ARID1A: variants seen among roughly 807,000 people sequenced by gnomAD.
ARID1A encodes the protein AT-rich interaction domain 1A.
A neutral mutation model predicts 212.6 loss-of-function variants in ARID1A; 20 were observed. That is an observed-to-expected ratio of 0.09 (90% confidence interval 0.07 to 0.14). The LOEUF is 0.14. Ranked by LOEUF, ARID1A falls within the 10% of genes least tolerant of loss-of-function variation. ARID1A has a pLI of 1.00. For missense variants in ARID1A, 2,587 were observed against 3,059.0 expected, an observed-to-expected ratio of 0.85 and a Z score of 3.64; for synonymous variants, 1,376 against 1,222.1, an observed-to-expected ratio of 1.13 and a Z score of -2.63.
At position 26,696,307 on chromosome 1, in the gene ARID1A, G is replaced by C; in HGVS notation, c.-97G>C. ...CGCGAGGCCCGCCCGGGCGGGTGGG[G>C]AGGGCAGCCCGGGGGACTGGGCCCC... On this transcript the variant is annotated 5_prime_UTR_variant, in exon 1 of 20. Coordinates refer to ENST00000324856, the MANE Select transcript of ARID1A (RefSeq NM_006015.6). The C allele has an allele frequency of 8.4e-7, 1 of 1,189,284 alleles. No homozygotes were observed. Among genetic ancestry groups the C allele is most frequent in the Non-Finnish European group, 1.0e-6 (1 of 959,744 alleles). 73.7% of individuals were successfully genotyped at this position (1,189,284 alleles called of 1,614,324 possible). A position where few individuals can be genotyped will look rare whatever the true frequency, so the allele number is the denominator to read the frequency against.
rs2124147009 is a variant in ARID1A, at chr1:26,780,127, C to T, written c.6229C>T (p.Pro2077Ser). 6.2e-7 allele frequency: 1 copy of T among 1,614,144 alleles called. No homozygotes were observed. Among genetic ancestry groups the T allele is most frequent in the Non-Finnish European group, 8.5e-7 (1 of 1,180,022 alleles). ...GGGGCAGTTGGACCTATCTCCATAC[C>T]CCGAGAGCATTTGCCTGCCTGTCCT... ...ISGQLDLSPY[P>S]ESICLPVLDG... Residue 2077 changes from proline (P) to serine (S), a missense_variant, in exon 20 of 20, where the codon CCC becomes TCC. Physicochemically the swap from Pro to Ser is moderately conservative, Grantham distance 74 (BLOSUM62 -1). Coordinates refer to ENST00000324856, the MANE Select transcript of ARID1A (RefSeq NM_006015.6). This position sits in a 1 kb window ranked among gnomAD's most constrained non-coding sequence, Gnocchi z 7.2.
intron 7 of ARID1A, 29 bp downstream of exon 7, chr1:26,762,348 T>TA (rs2081000468): frequency 1.6e-5 from 26 of 1,600,444 alleles, no homozygotes; most frequent in Non-Finnish European, 2.2e-5. Flanking sequence ...TAGGAGTAGA[T>TA]ACGGGTGAGA....
chr1:26,750,976 C>T lies in ARID1A; in HGVS notation c.1921-9880C>T, dbSNP rs1472076891. ...AAGAGTAATTAGGAAAGAGGGGGGC[C>T]GGGCATGGTGGCTCACACCTGTAAT... On this transcript the variant is annotated intron_variant, in intron 4 of 19. Coordinates refer to ENST00000324856, the MANE Select transcript of ARID1A (RefSeq NM_006015.6). 2.6e-5 allele frequency among the ~76,000 whole-genome samples: 4 copies of T among 151,892 alleles called. No individual in the cohort carries two copies. In the East Asian group the frequency reaches 5.8e-4, roughly 22 times the overall value.
At chr1:26,736,151 C>T (rs375015068) in intron 4 of ARID1A, among the ~76,000 whole-genome samples, 5 of 146,214 alleles carry the variant, frequency 3.4e-5, no homozygotes, top group South Asian at 2.2e-4. Context: ...GGTGAAACCC[C>T]GTCTCTACTA....
At chr1:26,717,555 C>T (rs560040428) in intron 1 of ARID1A, among the ~76,000 whole-genome samples, 1 of 152,236 alleles carries the variant, frequency 6.6e-6, no homozygotes, top group South Asian at 2.1e-4. Context: ...GTGTATGGGA[C>T]AGACATTAAT....
At chr1:26,740,511 C>T (rs189556417) in intron 4 of ARID1A, among the ~76,000 whole-genome samples, 131 of 152,092 alleles carry the variant, frequency 8.6e-4, no homozygotes, top group African/African-American at 3.1e-3. Flanking sequence ...AGAGGCCATG[C>T]AGGGATGGGG....
chr1:26,767,705 C>T, intron 10 of ARID1A, 85 bp from the exon 11 acceptor site: 1 of 1,329,416 alleles, frequency 7.5e-7, no homozygotes, highest in South Asian at 1.4e-5. Flanking sequence ...AGCTTTAACA[C>T]TGCTCCAGTC....
In ARID1A at chr1:26,696,778, T is replaced by TGGC; in HGVS notation, c.379_381dup (p.Gly127dup). Reference sequence around the variant, plus strand: ...TCACGGAGCCGCCCGGCGGCGGCGGTGGCGGCAGCAGCGATGGGGTGGGGG... The same window carrying TGGC: ...TCACGGAGCCGCCCGGCGGCGGCGGTGGCGGCGGCAGCAGCGATGGGGTGGGGG... On this transcript the variant is annotated inframe_insertion, in exon 1 of 20. Transcript: ENST00000324856. 3 of 1,331,554 alleles carry TGGC rather than the reference T, an allele frequency of 2.3e-6. No homozygotes were observed. The highest frequency in any genetic ancestry group is 2.6e-4 in the Middle Eastern group (1 of 3,876). 82.5% of individuals were successfully genotyped at this position (1,331,554 alleles called of 1,614,324 possible). A position where few individuals can be genotyped will look rare whatever the true frequency, so the allele number is the denominator to read the frequency against.
At chr1:26,741,772 T>A (rs2080790535) in intron 4 of ARID1A, among the ~76,000 whole-genome samples, 1 of 152,224 alleles carries the variant, frequency 6.6e-6, no homozygotes, top group African/African-American at 2.4e-5. Context: ...AATTATCCCT[T>A]GAGTTTCTGA....
chr1:26,709,048 C>T (rs2080423464), intron 1 of ARID1A, among the ~76,000 whole-genome samples: 1 of 152,038 alleles, frequency 6.6e-6, no homozygotes, highest in East Asian at 1.9e-4. Context: ...AGTTGAGTGC[C>T]ACATACAAAG....
rs905022100 is a variant in ARID1A, at chr1:26,697,122, G to A, written c.719G>A (p.Gly240Asp). The change falls in exon 1 of 20, where the codon GGC becomes GAC. Residue 240 changes from glycine (G) to aspartate (D), a missense_variant. By Grantham distance (94) the Gly-to-Asp change is moderately conservative. Transcript: ENST00000324856. ...AGCTCCCCGAGAGGTGGCACTCCGG[G>A]CTCCGGCGCGGCGGCGGCTGCCGGC... ...ALSSPRGGTPGSGAAAAAGSK... is the reference protein window; with the variant it reads ...ALSSPRGGTPDSGAAAAAGSK... 1.4e-6 allele frequency: 2 copies of A among 1,443,502 alleles called. No individual in the cohort carries two copies. The highest frequency in any genetic ancestry group is 9.1e-7 in the Non-Finnish European group (1 of 1,103,194). 89.4% of individuals were successfully genotyped at this position (1,443,502 alleles called of 1,614,324 possible).
intron 1 of ARID1A, among the ~76,000 whole-genome samples, chr1:26,717,033 C>T (rs746039376): frequency 5.3e-5 from 8 of 152,096 alleles, no homozygotes; most frequent in Admixed American, 2.6e-4. Context: ...CCAAAAAAGG[C>T]GCTTTCATAC....
Position 26,771,086 on chromosome 1 carries a change from A to T in ARID1A, c.3199-33A>T, listed in dbSNP as rs1215962331. 2 of 1,606,688 alleles carry T rather than the reference A, an allele frequency of 1.2e-6. No homozygotes were observed. Among genetic ancestry groups the T allele is most frequent in the Non-Finnish European group, 1.7e-6 (2 of 1,173,310 alleles). On this transcript the variant is annotated intron_variant, in intron 11 of 19. Transcript: ENST00000324856. This position sits in a 1 kb window ranked among gnomAD's most constrained non-coding sequence, Gnocchi z 5.4. ...TATGGGCAGGAAAACCAGGCGGGAG[A>T]TATACCTCGACTCCTTTGGTTTGGT...
At position 26,696,718 on chromosome 1, in the gene ARID1A, G is replaced by C. The variant is rs1198019142; in HGVS notation, c.315G>C (p.Gly105=). The change falls in exon 1 of 20, where the codon GGG becomes GGC. Residue 105 remains glycine, a synonymous_variant. Transcript: ENST00000324856. The part of the protein sequence containing the change: ...GAEPDLKNSN[G]NAGPRPALNN... ...AGCCGGACCTGAAGAACTCGAACGGGAACGCGGGCCCTAGGCCCGCCCTGA... is the reference window on the plus strand; with the variant it reads ...AGCCGGACCTGAAGAACTCGAACGGCAACGCGGGCCCTAGGCCCGCCCTGA... 1 of 1,368,790 alleles carries C rather than the reference G, an allele frequency of 7.3e-7. No homozygotes were observed. Among genetic ancestry groups the C allele is most frequent in the African/African-American group, 1.5e-5 (1 of 64,804 alleles). 84.8% of individuals were successfully genotyped at this position (1,368,790 alleles called of 1,614,324 possible).
chr1:26,723,841 C>G (rs2080589663), intron 1 of ARID1A, among the ~76,000 whole-genome samples: 1 of 152,064 alleles, frequency 6.6e-6, no homozygotes, highest in South Asian at 2.1e-4. Context: ...CACTCGCGCT[C>G]TCATACTGTT....
rs189892918 is a variant in ARID1A, at chr1:26,703,857, A to G, written c.1137+6317A>G. ...AGGCATTTAGTTTTCTTAGGAAAGC[A>G]TGCTTATGTGCACACATCTGGAAAA... On this transcript the variant is annotated intron_variant, in intron 1 of 19. Coordinates refer to ENST00000324856, the MANE Select transcript of ARID1A (RefSeq NM_006015.6). Among the ~76,000 whole-genome samples, 9 of 152,350 alleles carry G rather than the reference A, an allele frequency of 5.9e-5. No homozygotes were observed. In the East Asian group the frequency reaches 1.7e-3, roughly 29 times the overall value.
At chr1:26,700,996 T>C (rs1227010833) in intron 1 of ARID1A, among the ~76,000 whole-genome samples, 1 of 152,204 alleles carries the variant, frequency 6.6e-6, no homozygotes, top group Non-Finnish European at 1.5e-5. Flanking sequence ...TAGGTTCCTT[T>C]CTTTGTGTGT....
Position 26,781,159 on chromosome 1 carries a change from TA to T in ARID1A, c.*421del, listed in dbSNP as rs71007893. The T allele has an allele frequency of 0.16, 30,198 of 191,768 alleles. 10 individuals carry two copies. The highest frequency in any genetic ancestry group is 0.3 in the East Asian group (4,420 of 14,862). The allele number at this position is 191,768 out of a possible 1,614,324, so 11.9% of individuals were successfully genotyped here. A position where few individuals can be genotyped will look rare whatever the true frequency, so the allele number is the denominator to read the frequency against. ...CACATTTCATAACTGTTTTTAATGGTAAAAAAAAAAAAAAAAAATACAAAAA... is the reference window on the plus strand; with the variant it reads ...CACATTTCATAACTGTTTTTAATGGTAAAAAAAAAAAAAAAAATACAAAAA... On this transcript the variant is annotated 3_prime_UTR_variant, in exon 20 of 20. Transcript: ENST00000324856.
chr1:26,724,389 G>T (rs2080596980), intron 1 of ARID1A, among the ~76,000 whole-genome samples: 1 of 152,126 alleles, frequency 6.6e-6, no homozygotes, highest in African/African-American at 2.4e-5. Context: ...TATTTCCTTG[G>T]ATTGGAACTG....
Sources: allele counts gnomAD v4.1 joint callset (sites outside exome capture counted in the v4.1 genomes callset), GRCh38; gene constraint gnomAD v4.1.1; non-coding constraint Gnocchi (gnomAD v3.1); transcripts MANE v1.5; gene names NCBI Gene and HGNC (gene_info 2026-07-23, HGNC 2026-07-21).